The following RTN4R variants were observed in gnomAD, a reference collection of about 807,000 sequenced individuals.
The protein encoded by RTN4R is reticulon 4 receptor, also known as reticulon-4 receptor.
A neutral mutation model predicts 27.7 loss-of-function variants in RTN4R; 4 were observed. That is an observed-to-expected ratio of 0.14 (90% CI 0.07 to 0.33). The LOEUF is 0.33. RTN4R is among the 10% of genes least tolerant of loss of function. The probability of loss-of-function intolerance (pLI) is 1.00; values close to 1 mark genes in which losing one functional copy is unlikely to be tolerated. For synonymous variants in RTN4R, 290 were observed against 305.6 expected (o/e 0.95, Z 0.53); for missense variants, 554 against 671.5 (o/e 0.83, Z 1.93).
rs115096610 is a variant in RTN4R, at chr22:20,267,322, C to T, written c.22+749G>A. 6.2e-3 allele frequency among the ~76,000 whole-genome samples: 938 copies of T among 152,342 alleles called. 13 individuals carry two copies. The highest frequency in any genetic ancestry group is 0.021 in the African/African-American group (886 of 41,570). ...GGGTGGGCACCTGGGGAGCACCCTC[C>T]AGGCGGGGCATGCCCAACTCACATG... On this transcript the variant is annotated intron_variant, in intron 1 of 1. Transcript: ENST00000043402.
chr22:20,258,177 G>A (rs1375808766), intron 1 of RTN4R, among the ~76,000 whole-genome samples: 2 of 152,178 alleles, frequency 1.3e-5, no homozygotes, highest in Non-Finnish European at 2.9e-5. Flanking sequence ...TGGCCCTGAC[G>A]CCAGGCCTGA....
intron 1 of RTN4R, among the ~76,000 whole-genome samples, chr22:20,254,654 GT>G (rs1316737383): frequency 1.3e-5 from 2 of 152,092 alleles, no homozygotes; most frequent in East Asian, 3.9e-4. Flanking sequence ...TCAGGCTTAT[GT>G]TTCAGCCAAA....
intron 1 of RTN4R, among the ~76,000 whole-genome samples, chr22:20,259,522 C>T (rs2051232425): frequency 6.6e-6 from 1 of 152,150 alleles, no homozygotes; most frequent in Non-Finnish European, 1.5e-5. Context: ...GAGAGCTCGC[C>T]CCGCAGTCCA....
At chr22:20,262,725 G>A (rs1294757550) in intron 1 of RTN4R, among the ~76,000 whole-genome samples, 2 of 152,224 alleles carry the variant, frequency 1.3e-5, no homozygotes, top group South Asian at 2.1e-4. Context: ...GCTACCAGCC[G>A]TGGACTGCAG....
chr22:20,252,941 C>T (rs1170229057), intron 1 of RTN4R, among the ~76,000 whole-genome samples: 1 of 152,206 alleles, frequency 6.6e-6, no homozygotes, highest in Non-Finnish European at 1.5e-5. Flanking sequence ...CCACCCAGGC[C>T]CCCACCCAGC....
At chr22:20,268,314 GGGGGTTGGGGCGTGGGCGGCGC>G (rs2051294067) in exon 1 of RTN4R, 9 of 17,844 alleles carry the variant, frequency 5.0e-4, no homozygotes, top group Non-Finnish European at 8.2e-4. Flanking sequence ...GCGGCGGCGC[GGGGGTTGGGGCGTGGGCGGCGC>G]GGCGGGCCGG....
At chr22:20,263,015 C>A (rs2051256711) in intron 1 of RTN4R, among the ~76,000 whole-genome samples, 1 of 152,244 alleles carries the variant, frequency 6.6e-6, no homozygotes, top group Non-Finnish European at 1.5e-5. Context: ...CTCCAGCCTG[C>A]CTAGCCCTGC....
At chr22:20,267,799 G>C in intron 1 of RTN4R, 1 of 388,204 alleles carries the variant, frequency 2.6e-6, no homozygotes, top group Non-Finnish European at 5.0e-6. Context: ...CCCAGCATCG[G>C]GGACCCTCGG....
At chr22:20,244,307 G>A (rs1420385733) in intron 1 of RTN4R, among the ~76,000 whole-genome samples, 2 of 152,220 alleles carry the variant, frequency 1.3e-5, no homozygotes, top group Admixed American at 1.3e-4. Context: ...CTAGAACTGT[G>A]ACCCTGGGGC....
chr22:20,259,754 A>C (rs368454361), intron 1 of RTN4R, among the ~76,000 whole-genome samples: 15 of 152,256 alleles, frequency 9.9e-5, no homozygotes, highest in African/African-American at 3.4e-4. Context: ...TGAGCGGTCA[A>C]TGTGGGAGGC....
At chr22:20,264,042 C>T (rs1288160221) in intron 1 of RTN4R, among the ~76,000 whole-genome samples, 1 of 152,176 alleles carries the variant, frequency 6.6e-6, no homozygotes, top group Non-Finnish European at 1.5e-5. Context: ...CTAGGAGGGG[C>T]AGGATCTGGC....
chr22:20,267,962 TCCCTCGCCTCGGCAG>T, intron 1 of RTN4R, 94 bp downstream of exon 1: 1 of 598,630 alleles, frequency 1.7e-6, no homozygotes, highest in Non-Finnish European at 2.3e-6. Flanking sequence ...CGGCTACGCT[TCCCTCGCCTCGGCAG>T]CCCGGGACGG....
chr22:20,243,469 A>G, intron 1 of RTN4R: 1 of 542,398 alleles, frequency 1.8e-6, no homozygotes, highest in East Asian at 4.9e-5. Flanking sequence ...CAGTGAACAC[A>G]GAGCCCGCAT....
chr22:20,268,045 G>A lies in RTN4R; in HGVS notation c.22+26C>T, dbSNP rs2051289816. ...CCCCTCCGCGCCCCGCCGCCGGCCGGGCTCGGGTGCAGCGCGGACACTCAC... is the reference window on the plus strand; with the variant it reads ...CCCCTCCGCGCCCCGCCGCCGGCCGAGCTCGGGTGCAGCGCGGACACTCAC... On this transcript the variant is annotated intron_variant, in intron 1 of 1. Coordinates refer to ENST00000043402, the MANE Select transcript of RTN4R (RefSeq NM_023004.6). 3.4e-6 allele frequency: 4 copies of A among 1,165,664 alleles called. No homozygotes were observed. In the African/African-American group the frequency reaches 4.9e-5, roughly 14 times the overall value. The allele number at this position is 1,165,664 out of a possible 1,614,324, so 72.2% of individuals were successfully genotyped here. A position where few individuals can be genotyped will look rare whatever the true frequency, so the allele number is the denominator to read the frequency against.
In RTN4R at chr22:20,268,095, T is replaced by A; in HGVS notation, c.-3A>T. ...CCTCCAGCGGACGCCCTCTTCATCG[T>A]AGGGGTTGGGCGGGGCGCGTCGGGG... On this transcript the variant is annotated 5_prime_UTR_variant, in exon 1 of 2. Coordinates refer to ENST00000043402, the MANE Select transcript of RTN4R (RefSeq NM_023004.6). The A allele has an allele frequency of 1.7e-6, 2 of 1,184,256 alleles. No individual in the cohort carries two copies. Among genetic ancestry groups the A allele is most frequent in the Non-Finnish European group, 2.1e-6 (2 of 953,834 alleles). 73.4% of individuals were successfully genotyped at this position (1,184,256 alleles called of 1,614,324 possible).
chr22:20,263,055 C>T (rs1340654321), intron 1 of RTN4R, among the ~76,000 whole-genome samples: 1 of 152,268 alleles, frequency 6.6e-6, no homozygotes, highest in Admixed American at 6.5e-5. Context: ...CTCACCCAGC[C>T]TCAGCCTTGG....
intron 1 of RTN4R, among the ~76,000 whole-genome samples, chr22:20,258,301 G>A (rs961082310): frequency 6.6e-6 from 1 of 152,118 alleles, no homozygotes; most frequent in Non-Finnish European, 1.5e-5. Flanking sequence ...CTTCCTCTGG[G>A]GGGCTCTTCT....
intron 1 of RTN4R, among the ~76,000 whole-genome samples, chr22:20,261,166 C>T (rs569012784): frequency 5.4e-4 from 83 of 152,316 alleles, no homozygotes; most frequent in African/African-American, 2.0e-3. Context: ...CAGTGGGGCC[C>T]ACATGCCCAT....
intron 1 of RTN4R, chr22:20,249,199 T>C (rs944480570): frequency 5.6e-6 from 3 of 533,916 alleles, no homozygotes; most frequent in Non-Finnish European, 1.2e-5. Context: ...GCAAGCTGAG[T>C]CCCCAGAGGA....
Sources: allele counts gnomAD v4.1 joint callset (sites outside exome capture counted in the v4.1 genomes callset), GRCh38; gene constraint gnomAD v4.1.1; transcripts MANE v1.5; gene names NCBI Gene and HGNC (gene_info 2026-07-23, HGNC 2026-07-21).